CTBP1: variants seen among roughly 807,000 people sequenced by gnomAD.
CTBP1 encodes the protein C-terminal-binding protein 1.
CTBP1 carries 11 observed loss-of-function variants against 42.1 expected under a neutral mutation model. The ratio of observed to expected loss-of-function variants is 0.26; its 90% CI spans 0.16 to 0.43. CTBP1 has a LOEUF of 0.43. Ranked by LOEUF, CTBP1 falls within the 20% of genes least tolerant of loss-of-function variation. CTBP1 has a pLI of 1.00. For synonymous variants in CTBP1, 324 were observed against 277.1 expected, an observed-to-expected ratio of 1.17 and a Z score of -1.68; for missense variants, 399 against 624.3, an observed-to-expected ratio of 0.64 and a Z score of 3.85.
At chr4:1,243,072 C>T (rs868574148) in intron 1 of CTBP1, 4 of 985,438 alleles carry the variant, frequency 4.1e-6, no homozygotes, top group African/African-American at 3.5e-5. Flanking sequence ...TCATTGATAC[C>T]AGTCAATACT....
intron 4 of CTBP1, among the ~76,000 whole-genome samples, chr4:1,227,307 T>A (rs113482566): frequency 6.6e-6 from 1 of 151,846 alleles, no homozygotes; most frequent in Non-Finnish European, 1.5e-5. Context: ...GTGTGCGTGA[T>A]CCGTGTGCTG....
intron 6 of CTBP1, among the ~76,000 whole-genome samples, chr4:1,215,261 G>T (rs958122199): frequency 6.6e-6 from 1 of 152,258 alleles, no homozygotes; most frequent in South Asian, 2.1e-4. Flanking sequence ...CATCCTCCTT[G>T]TGGCTACAGG....
Position 1,248,786 on chromosome 4 carries a change from C to A in CTBP1, c.-189+130G>T, listed in dbSNP as rs983683306. The A allele has an allele frequency of 6.7e-3, 6,365 of 954,668 alleles. 24 individuals carry two copies. The highest frequency in any genetic ancestry group is 7.4e-3 in the Non-Finnish European group (5,994 of 805,678). 59.1% of individuals were successfully genotyped at this position (954,668 alleles called of 1,614,324 possible). ...GGCCACGCGCGGACGCCGGCGCGCA[C>A]GCGCACTCGCACACAAAGCCGGCGG... is the stretch of plus-strand genomic sequence containing the variant. On this transcript the variant is annotated intron_variant, in intron 1 of 9. Coordinates refer to ENST00000382952, the MANE Select transcript of CTBP1 (RefSeq NM_001012614.2).
At chr4:1,227,700 G>A (rs991544592) in intron 4 of CTBP1, among the ~76,000 whole-genome samples, 10 of 151,064 alleles carry the variant, frequency 6.6e-5, no homozygotes, top group African/African-American at 1.5e-4. Context: ...GCACATGCAC[G>A]GATGCAGATG....
intron 5 of CTBP1, 69 bp from the exon 6 acceptor site, chr4:1,216,274 G>A: frequency 6.9e-7 from 1 of 1,448,462 alleles, no homozygotes; most frequent in Non-Finnish European, 9.3e-7. Context: ...CCGAAAGCCA[G>A]GGTCGGAGTG....
At chr4:1,213,383 A>C (rs1728747647) in intron 8 of CTBP1, 95 bp downstream of exon 8, 2 of 1,571,540 alleles carry the variant, frequency 1.3e-6, no homozygotes, top group Non-Finnish European at 1.7e-6. Flanking sequence ...AGCTGGCAGA[A>C]CATGGGCCTG....
chr4:1,243,683 G>A, intron 1 of CTBP1: 1 of 985,454 alleles, frequency 1.0e-6, no homozygotes, highest in Non-Finnish European at 1.2e-6. Context: ...CTCACGCCAG[G>A]GAGCTGGCCT....
chr4:1,227,774 C>G (rs1473022420), intron 4 of CTBP1, among the ~76,000 whole-genome samples: 1 of 152,120 alleles, frequency 6.6e-6, no homozygotes, highest in African/African-American at 2.4e-5. Flanking sequence ...TGCACAGGTG[C>G]AGACGTGTGT....
chr4:1,213,661 G>A, intron 7 of CTBP1, 56 bp from the exon 8 acceptor site: 5 of 1,580,892 alleles, frequency 3.2e-6, no homozygotes, highest in South Asian at 1.1e-5. Flanking sequence ...TGGGTACGGA[G>A]GGGAGGTGGC....
chr4:1,228,405 G>C (rs375800852), intron 3 of CTBP1, 62 bp from the exon 4 acceptor site: 2 of 1,571,250 alleles, frequency 1.3e-6, no homozygotes, highest in African/African-American at 2.7e-5. Context: ...TTGGCCTTCG[G>C]GGGTGGGGCT....
intron 5 of CTBP1, chr4:1,218,228 A>AC (rs1228905318): frequency 1.3e-5 from 2 of 152,096 alleles, no homozygotes; most frequent in African/African-American, 2.4e-5. Context: ...ACATGGTGAA[A>AC]CCCCGTCTCT....
At chr4:1,221,796 G>A (rs1434869678) in intron 5 of CTBP1, 1 of 446,244 alleles carries the variant, frequency 2.2e-6, no homozygotes, top group Admixed American at 2.4e-5. Context: ...CAACGTGCTG[G>A]TGGGTTCATG....
chr4:1,215,499 G>A (rs1577017118), intron 6 of CTBP1: 1 of 214,614 alleles, frequency 4.7e-6, no homozygotes, highest in East Asian at 1.2e-4. Context: ...AGGCTGCACT[G>A]CGAGCTGTGC....
intron 7 of CTBP1, chr4:1,213,918 T>C (rs913687428): frequency 1.2e-5 from 5 of 428,982 alleles, no homozygotes; most frequent in African/African-American, 1.0e-4. Flanking sequence ...CCCCAGGAGC[T>C]GCAGGCTGAT....
chr4:1,241,567 A>C (rs1732179127), intron 1 of CTBP1, 48 bp from the exon 2 acceptor site: 1 of 1,518,464 alleles, frequency 6.6e-7, no homozygotes, highest in East Asian at 2.5e-5. Flanking sequence ...CGAAGGTCCG[A>C]CCAGAACTCA....
intron 4 of CTBP1, among the ~76,000 whole-genome samples, chr4:1,227,350 T>C (rs1318454046): frequency 7.0e-6 from 1 of 142,086 alleles, no homozygotes; most frequent in Admixed American, 7.0e-5. Flanking sequence ...TGAGTGTGTG[T>C]GTTCCATGTG....
intron 1 of CTBP1, among the ~76,000 whole-genome samples, chr4:1,247,837 T>G (rs868577854): frequency 6.6e-6 from 1 of 152,118 alleles, no homozygotes; most frequent in East Asian, 2.0e-4. Context: ...CCAGGCCCTC[T>G]TGCCCCAACT....
intron 1 of CTBP1, chr4:1,244,676 G>C: frequency 1.0e-6 from 1 of 985,378 alleles, no homozygotes; most frequent in Non-Finnish European, 1.2e-6. Flanking sequence ...GGCACCCTAA[G>C]GCTGGGTGGT....
chr4:1,239,168 C>A (rs1731894943), intron 2 of CTBP1, among the ~76,000 whole-genome samples: 1 of 152,236 alleles, frequency 6.6e-6, no homozygotes, highest in South Asian at 2.1e-4. Flanking sequence ...GCGTATGACG[C>A]AACTAAGCCT....
Sources: allele counts gnomAD v4.1 joint callset (sites outside exome capture counted in the v4.1 genomes callset), GRCh38; gene constraint gnomAD v4.1.1; transcripts MANE v1.5; gene names NCBI Gene and HGNC (gene_info 2026-07-23, HGNC 2026-07-21).